The following PIK3C2G variants were observed in gnomAD, a reference collection of about 807,000 sequenced individuals.
PIK3C2G encodes phosphatidylinositol 3-kinase C2 domain-containing subunit gamma.
PIK3C2G carries 168 observed loss-of-function variants against 181.1 expected under a neutral mutation model. That is an observed-to-expected ratio of 0.93 (90% CI 0.82 to 1.05). The LOEUF (loss-of-function observed/expected upper bound fraction) is 1.05, where lower values mean the gene tolerates loss of function less well. Ranked by LOEUF, PIK3C2G falls within the 50% of genes least tolerant of loss-of-function variation. The pLI, the probability that PIK3C2G is intolerant of heterozygous loss-of-function variation, is 0.00. For missense variants in PIK3C2G, 1,869 were observed against 1,732.8 expected, an observed-to-expected ratio of 1.08 and a Z score of -1.40; for synonymous variants, 573 against 592.2, an observed-to-expected ratio of 0.97 and a Z score of 0.47.
At chr12:18,617,982 T>A (rs186535248) in intron 31 of PIK3C2G, among the ~76,000 whole-genome samples, 1 of 152,298 alleles carries the variant, frequency 6.6e-6, no homozygotes, top group East Asian at 1.9e-4. Flanking sequence ...TGATTACAAC[T>A]ATAATTTATG....
chr12:18,492,361 A>C (rs1481055039), intron 20 of PIK3C2G, among the ~76,000 whole-genome samples: 1 of 152,162 alleles, frequency 6.6e-6, no homozygotes, highest in Non-Finnish European at 1.5e-5. Context: ...TTAGACCATT[A>C]TTACTGTGAA....
At chr12:18,467,784 G>C (rs908802230) in intron 18 of PIK3C2G, among the ~76,000 whole-genome samples, 1 of 151,946 alleles carries the variant, frequency 6.6e-6, no homozygotes, top group Admixed American at 6.6e-5. Context: ...GGAGTTTTTG[G>C]TGGAGACTGT....
At chr12:18,609,764 A>G in intron 31 of PIK3C2G, 135 bp downstream of exon 31, 2 of 594,148 alleles carry the variant, frequency 3.4e-6, no homozygotes, top group Non-Finnish European at 5.9e-6. Flanking sequence ...CAATGAGCCA[A>G]TTACAATATT....
intron 5 of PIK3C2G, among the ~76,000 whole-genome samples, chr12:18,296,760 TC>T (rs2137249390): frequency 6.6e-6 from 1 of 152,154 alleles, no homozygotes; most frequent in African/African-American, 2.4e-5. Context: ...TTTCTTACTC[TC>T]ACTCTCCCTG....
chr12:18,250,489 C>G (rs1309768159), intron 1 of PIK3C2G, among the ~76,000 whole-genome samples: 2 of 152,056 alleles, frequency 1.3e-5, no homozygotes, highest in Non-Finnish European at 2.9e-5. Flanking sequence ...TTTAGAGAAG[C>G]ATTTCATTTC....
intron 14 of PIK3C2G, among the ~76,000 whole-genome samples, chr12:18,386,098 C>G (rs914201682): frequency 6.6e-5 from 10 of 152,142 alleles, no homozygotes; most frequent in Non-Finnish European, 1.2e-4. Context: ...CCCCCTCCTC[C>G]TCTGGCTTTG....
intron 5 of PIK3C2G, among the ~76,000 whole-genome samples, chr12:18,296,680 G>T (rs1052642885): frequency 5.3e-5 from 8 of 151,852 alleles, no homozygotes; most frequent in African/African-American, 1.9e-4. Flanking sequence ...TATCAGAAAA[G>T]CTTTTCTCTC....
upstream of PIK3C2G, among the ~76,000 whole-genome samples, chr12:18,261,333 T>G (rs1948226183): frequency 6.6e-6 from 1 of 152,256 alleles, no homozygotes; most frequent in Non-Finnish European, 1.5e-5. Context: ...TATGGTTGGG[T>G]TTTTGGCTTA....
At chr12:18,505,258 G>T (rs1459642700) in intron 23 of PIK3C2G, 34 bp from the exon 24 acceptor site, 14 of 1,528,008 alleles carry the variant, frequency 9.2e-6, no homozygotes, top group Middle Eastern at 1.7e-4. Context: ...ATTTTTTGTT[G>T]TTATTTTTGC....
intron 30 of PIK3C2G, among the ~76,000 whole-genome samples, chr12:18,606,057 C>T (rs1298750810): frequency 6.6e-6 from 1 of 152,124 alleles, no homozygotes; most frequent in African/African-American, 2.4e-5. Flanking sequence ...CCTCTCTACT[C>T]CTACTGCTAC....
At chr12:18,296,673 C>A (rs966586475) in intron 5 of PIK3C2G, among the ~76,000 whole-genome samples, 2 of 152,018 alleles carry the variant, frequency 1.3e-5, no homozygotes, top group Admixed American at 6.6e-5. Context: ...AATTTAGTAT[C>A]AGAAAAGCTT....
intron 11 of PIK3C2G, among the ~76,000 whole-genome samples, chr12:18,347,603 G>A (rs1939792319): frequency 6.6e-6 from 1 of 151,980 alleles, no homozygotes; most frequent in Admixed American, 6.6e-5. Flanking sequence ...TCAGGTCAGA[G>A]GTTCAAAACC....
downstream of PIK3C2G, among the ~76,000 whole-genome samples, chr12:18,653,264 T>C (rs184177829): frequency 1.2e-4 from 19 of 152,248 alleles, no homozygotes; most frequent in Admixed American, 2.0e-4. Context: ...AGTCACATAT[T>C]ACCCATGCCA....
chr12:18,462,947 T>C (rs1948001079), intron 18 of PIK3C2G, among the ~76,000 whole-genome samples: 1 of 152,180 alleles, frequency 6.6e-6, no homozygotes, highest in African/African-American at 2.4e-5. Flanking sequence ...AAATAAGTGC[T>C]ATAATTTATA....
At chr12:18,266,389 A>C (rs1948501098) in intron 1 of PIK3C2G, among the ~76,000 whole-genome samples, 1 of 152,172 alleles carries the variant, frequency 6.6e-6, no homozygotes, top group Admixed American at 6.5e-5. Context: ...AACACTTAAC[A>C]TGCCTTTCAG....
chr12:18,653,948 A>G, the PIK3C2G span, among the ~76,000 whole-genome samples: 1 of 152,142 alleles, frequency 6.6e-6, no homozygotes, highest in South Asian at 2.1e-4. Flanking sequence ...TTCTGGCTCC[A>G]TGATTCCGAT....
At chr12:18,297,969 T>C (rs901395509) in intron 5 of PIK3C2G, among the ~76,000 whole-genome samples, 2 of 152,036 alleles carry the variant, frequency 1.3e-5, no homozygotes, top group Admixed American at 1.3e-4. Context: ...CTAATGTGAA[T>C]AGTATTTCAA....
intron 24 of PIK3C2G, among the ~76,000 whole-genome samples, chr12:18,531,908 G>C (rs1943575480): frequency 6.6e-6 from 1 of 152,114 alleles, no homozygotes; most frequent in South Asian, 2.1e-4. Flanking sequence ...TAATTTCTGG[G>C]TTGTATGGTA....
chr12:18,576,496 T>C lies in PIK3C2G; in HGVS notation c.4011+9439T>C, dbSNP rs61641463. Reference sequence around the variant, plus strand: ...AGTATGTGCTCACTCACTATGAAGATAGAATAGTGTAATAGGGAAACAGAG... The same window carrying C: ...AGTATGTGCTCACTCACTATGAAGACAGAATAGTGTAATAGGGAAACAGAG... On this transcript the variant is annotated intron_variant, in intron 29 of 32. Coordinates refer to ENST00000538779, the MANE Select transcript of PIK3C2G (RefSeq NM_001288772.2). Among the ~76,000 whole-genome samples, 902 of 152,256 alleles carry C rather than the reference T, an allele frequency of 5.9e-3. 11 individuals are homozygous for C. Among genetic ancestry groups the C allele is most frequent in the African/African-American group, 0.021 (869 of 41,528 alleles).
Sources: gnomAD v4.1 joint callset for allele counts (sites outside exome capture counted in the v4.1 genomes callset) on GRCh38, gnomAD v4.1.1 for gene constraint, MANE v1.5 for transcripts, NCBI Gene and HGNC (gene_info 2026-07-23, HGNC 2026-07-21) for gene names.